The following VPS26B variants were observed in gnomAD, a reference collection of about 807,000 sequenced individuals.
VPS26B encodes the protein VPS26 retromer complex component B.
A neutral mutation model predicts 33.3 loss-of-function variants in VPS26B; 10 were observed. That is an observed-to-expected ratio of 0.30 (90% confidence interval 0.19 to 0.51). VPS26B has a LOEUF of 0.51. Among genes scored for constraint, VPS26B ranks in the 20% least tolerant of loss-of-function variants. The pLI is 0.98. For missense variants in VPS26B, 317 were observed against 452.7 expected, an observed-to-expected ratio of 0.70 and a Z score of 2.72; for synonymous variants, 190 against 176.9, an observed-to-expected ratio of 1.07 and a Z score of -0.59.
In VPS26B at chr11:134,245,207, A is replaced by G. The variant is rs1465535647; in HGVS notation, c.864+127A>G. The stretch of plus-strand genomic sequence containing the variant: ...ATTAGGTCGCCCACAATTGCACAAC[A>G]AGAATGAGGATTCTCACCTGGCCTT... On this transcript the variant is annotated intron_variant, in intron 5 of 5. Coordinates refer to ENST00000281187, the MANE Select transcript of VPS26B (RefSeq NM_052875.5). This position sits in a 1 kb window ranked among gnomAD's most constrained non-coding sequence, Gnocchi z 4.7. The G allele has an allele frequency of 7.2e-7, 1 of 1,391,656 alleles. No individual in the cohort carries two copies. The highest frequency in any genetic ancestry group is 2.5e-5 in the East Asian group (1 of 40,396). 86.2% of individuals were successfully genotyped at this position (1,391,656 alleles called of 1,614,324 possible).
Position 134,243,099 on chromosome 11 carries a change from C to A in VPS26B, c.546-20C>A. ...GGCCACAGTACCAACATCTTACTTT[C>A]TGTACTTTCTGTTCCCCAGATACCA... On this transcript the variant is annotated intron_variant, in intron 3 of 5. Transcript: ENST00000281187. 6.2e-7 allele frequency: 1 copy of A among 1,613,462 alleles called. No homozygotes were observed. Among genetic ancestry groups the A allele is most frequent in the Non-Finnish European group, 8.5e-7 (1 of 1,179,474 alleles).
At chr11:134,227,158 T>A (rs1304448933) in intron 1 of VPS26B, among the ~76,000 whole-genome samples, 1 of 152,208 alleles carries the variant, frequency 6.6e-6, no homozygotes, top group Non-Finnish European at 1.5e-5. Flanking sequence ...CACAAAAATG[T>A]CTTCAGATAT....
intron 2 of VPS26B, chr11:134,239,699 GA>G (rs1427168247): frequency 5.7e-5 from 24 of 423,066 alleles, no homozygotes; most frequent in Non-Finnish European, 1.0e-4. Flanking sequence ...ACAAGGCAGA[GA>G]AATCACTTTC....
At chr11:134,234,786 G>T (rs934559031) in intron 1 of VPS26B, 111 bp from the exon 2 acceptor site, 15 of 1,348,162 alleles carry the variant, frequency 1.1e-5, no homozygotes, top group Non-Finnish European at 1.5e-5. Context: ...GTTCTGCAGG[G>T]AGGTCCTTCC....
intron 1 of VPS26B, among the ~76,000 whole-genome samples, chr11:134,226,430 A>T (rs562087421): frequency 6.6e-6 from 1 of 152,162 alleles, no homozygotes; most frequent in African/African-American, 2.4e-5. Context: ...AAATAAACAA[A>T]TAAGAACTAG....
rs1245098782 is a variant in VPS26B at position 134,243,161 on chromosome 11, G to A, written c.588G>A (p.Leu196=). 6.2e-7 allele frequency: 1 copy of A among 1,614,084 alleles called. No homozygotes were observed. The highest frequency in any genetic ancestry group is 1.3e-5 in the African/African-American group (1 of 74,926). ...KDVIVGKIYF[L]LVRIKIKHME... is the part of the protein sequence containing the mutation. ...TCATTGTAGGGAAGATATACTTCCT[G>A]CTGGTGAGAATCAAAATCAAGCACA... is the stretch of plus-strand genomic sequence containing the variant. The change falls in exon 4 of 6, where the codon CTG becomes CTA. Residue 196 remains leucine (L), a synonymous_variant. Transcript: ENST00000281187.
chr11:134,243,063 CAGAA>C, intron 3 of VPS26B, 52 bp from the exon 4 acceptor site: 4 of 1,589,280 alleles, frequency 2.5e-6, no homozygotes, highest in South Asian at 1.1e-5. Flanking sequence ...TCTACTGAAA[CAGAA>C]AGGTCTGGCC....
In VPS26B at chr11:134,244,810, C is replaced by A. The variant is rs1256287899; in HGVS notation, c.722-128C>A. 1.5e-6 allele frequency: 2 copies of A among 1,329,036 alleles called. No homozygotes were observed. The highest frequency in any genetic ancestry group is 2.0e-6 in the Non-Finnish European group (2 of 999,734). The allele number at this position is 1,329,036 out of a possible 1,614,324, so 82.3% of individuals were successfully genotyped here. On this transcript the variant is annotated intron_variant, in intron 4 of 5. Transcript: ENST00000281187. This position sits in a 1 kb window ranked among gnomAD's most constrained non-coding sequence, Gnocchi z 4.0. ...CCTGCTGGGCAGCAGAGCGACTGCA[C>A]CTTCCCAGAAGGCTGAAGTGCTCGT...
chr11:134,238,670 A>T (rs1333089612), intron 2 of VPS26B, among the ~76,000 whole-genome samples: 2 of 152,180 alleles, frequency 1.3e-5, no homozygotes, highest in African/African-American at 4.8e-5. Flanking sequence ...ATCTCGGCTC[A>T]CCGCAAGCTC....
rs1850337903 is a variant in VPS26B at position 134,240,307 on chromosome 11, T to C, written c.545+152T>C. 26 of 830,608 alleles carry C rather than the reference T, an allele frequency of 3.1e-5. No homozygotes were observed. The South Asian group carries it at 4.0e-4, about 13-fold the overall frequency. The allele number at this position is 830,608 out of a possible 1,614,324, so 51.5% of individuals were successfully genotyped here. ...CCGTGGGAGCAATCCAGTGAGTGTC[T>C]ATGGCAGGCCAGCTGCAGCTGGACC... On this transcript the variant is annotated intron_variant, in intron 3 of 5. Transcript: ENST00000281187. The surrounding 1 kb of genome is among the most constrained non-coding windows in gnomAD (Gnocchi z 4.4).
chr11:134,224,900 G>A lies in VPS26B; in HGVS notation c.-223G>A, dbSNP rs1293386544. 5.1e-6 allele frequency: 1 copy of A among 194,964 alleles called. No homozygotes were observed. The highest frequency in any genetic ancestry group is 1.0e-5 in the Non-Finnish European group (1 of 98,104). 12.1% of individuals were successfully genotyped at this position (194,964 alleles called of 1,614,324 possible). A position where few individuals can be genotyped will look rare whatever the true frequency, so the allele number is the denominator to read the frequency against. ...TGCTCCTCGGTGCATTGCTGCTCGG[G>A]CGCCGCAGCCCGCAGCCGCCAGCCT... On this transcript the variant is annotated 5_prime_UTR_variant, in exon 1 of 6. Transcript: ENST00000281187.
In VPS26B at chr11:134,245,494, C is replaced by T; in HGVS notation, c.915C>T (p.His305=). 4 of 1,613,970 alleles carry T rather than the reference C, an allele frequency of 2.5e-6. No homozygotes were observed. Among genetic ancestry groups the T allele is most frequent in the Non-Finnish European group, 3.4e-6 (4 of 1,179,908 alleles). Residue 305 remains histidine (H), a synonymous_variant, in exon 6 of 6, where the codon CAC becomes CAT. Transcript: ENST00000281187. The surrounding 1 kb of genome is among the most constrained non-coding windows in gnomAD (Gnocchi z 4.7). ...KGDIVRKSMS[H]QAAIASQRFE... ...ACATCGTACGGAAGAGCATGTCCCA[C>T]CAGGCGGCCATCGCCTCACAGCGCT...
At chr11:134,239,733 CG>C (rs1410558201) in intron 2 of VPS26B, 6 of 482,426 alleles carry the variant, frequency 1.2e-5, no homozygotes, top group East Asian at 7.7e-5. Flanking sequence ...ATTCTTGACC[CG>C]GGGGCATGGG....
chr11:134,233,227 T>A (rs1455423810), intron 1 of VPS26B, among the ~76,000 whole-genome samples: 1 of 152,170 alleles, frequency 6.6e-6, no homozygotes, highest in South Asian at 2.1e-4. Context: ...TAGTGTGGGA[T>A]CCCAGAGACT....
chr11:134,234,879 A>G lies in VPS26B; in HGVS notation c.224-18A>G, dbSNP rs199936327. 6.1e-5 allele frequency: 98 copies of G among 1,611,260 alleles called. No homozygotes were observed. The highest frequency in any genetic ancestry group is 7.3e-5 in the Non-Finnish European group (86 of 1,178,188). On this transcript the variant is annotated intron_variant, in intron 1 of 5. Transcript: ENST00000281187. ...AGGGTCTGATAAAGGAGGGCGTCGC[A>G]TCGCTGTCTCTCACCAGAACTCTAC...
In VPS26B at chr11:134,234,957, G is replaced by A. The variant is rs775689975; in HGVS notation, c.284G>A (p.Arg95Gln). 14 of 1,614,004 alleles carry A rather than the reference G, an allele frequency of 8.7e-6. No homozygotes were observed. The highest frequency in any genetic ancestry group is 2.2e-5 in the East Asian group (1 of 44,890). Residue 95 changes from arginine (R) to glutamine (Q), a missense_variant, in exon 2 of 6, where the codon CGG becomes CAG. Arg to Gln is a conservative substitution (Grantham distance 43). Coordinates refer to ENST00000281187, the MANE Select transcript of VPS26B (RefSeq NM_052875.5). The part of the protein sequence containing the change: ...EFVSLVKDLA[R>Q]PGEITQSQAF... Reference sequence around the variant, plus strand: ...GTGTCCCTGGTGAAGGACCTGGCCCGGCCTGGAGAGATCACCCAGTCGCAG... The same window carrying A: ...GTGTCCCTGGTGAAGGACCTGGCCCAGCCTGGAGAGATCACCCAGTCGCAG...
chr11:134,230,915 G>A (rs1938547086), intron 1 of VPS26B, among the ~76,000 whole-genome samples: 2 of 152,188 alleles, frequency 1.3e-5, no homozygotes, highest in Admixed American at 1.3e-4. Context: ...CAACACATGT[G>A]GTGAGGGCAT....
In VPS26B at chr11:134,245,884, TAGAG is replaced by T; in HGVS notation, c.*295_*298del. On this transcript the variant is annotated 3_prime_UTR_variant, in exon 6 of 6. Transcript: ENST00000281187. This position sits in a 1 kb window ranked among gnomAD's most constrained non-coding sequence, Gnocchi z 4.7. ...TTCCTCGGGGGGCTGCCTTGCGTCT[TAGAG>T]GAGGGAGAGCAGAGAGCACGCATCC... The T allele has an allele frequency of 2.6e-6, 1 of 386,620 alleles. No homozygotes were observed. The highest frequency in any genetic ancestry group is 4.8e-6 in the Non-Finnish European group (1 of 208,034). 23.9% of individuals were successfully genotyped at this position (386,620 alleles called of 1,614,324 possible).
At position 134,238,688 on chromosome 11, in the gene VPS26B, T is replaced by C. The variant is rs770270113; in HGVS notation, c.381-1303T>C. On this transcript the variant is annotated intron_variant, in intron 2 of 5. Coordinates refer to ENST00000281187, the MANE Select transcript of VPS26B (RefSeq NM_052875.5). Reference sequence around the variant, plus strand: ...TCGGCTCACCGCAAGCTCCGCCTCCTGGGTTCACGCCATTCTCCTGCCTCA... The same window carrying C: ...TCGGCTCACCGCAAGCTCCGCCTCCCGGGTTCACGCCATTCTCCTGCCTCA... Among the ~76,000 whole-genome samples, 51 of 152,240 alleles carry C rather than the reference T, an allele frequency of 3.3e-4. 1 individual carries two copies. The South Asian group carries it at 6.7e-3, about 20-fold the overall frequency.
Sources: allele counts gnomAD v4.1 joint callset (sites outside exome capture counted in the v4.1 genomes callset), GRCh38; gene constraint gnomAD v4.1.1; non-coding constraint Gnocchi (gnomAD v3.1); transcripts MANE v1.5; gene names NCBI Gene and HGNC (gene_info 2026-07-23, HGNC 2026-07-21).